The following R3HDM1 variants were observed in gnomAD, a reference collection of about 807,000 sequenced individuals.
R3HDM1 encodes R3H domain containing 1.
A neutral mutation model predicts 141.1 loss-of-function variants in R3HDM1; 46 were observed. The ratio of observed to expected loss-of-function variants is 0.33; its 90% CI spans 0.26 to 0.42. The LOEUF (loss-of-function observed/expected upper bound fraction) is 0.42. Among genes scored for constraint, R3HDM1 ranks in the 10% least tolerant of loss-of-function variants. The probability of loss-of-function intolerance (pLI) is 1.00; values close to 1 mark genes in which losing one functional copy is unlikely to be tolerated. For missense variants in R3HDM1, 1,184 were observed against 1,368.3 expected (o/e 0.87, Z 2.12); for synonymous variants, 435 against 472.9 (o/e 0.92, Z 1.04).
intron 1 of R3HDM1, among the ~76,000 whole-genome samples, chr2:135,564,165 C>G (rs1702299584): frequency 6.6e-6 from 1 of 152,142 alleles, no homozygotes; most frequent in Non-Finnish European, 1.5e-5. Context: ...AGACAAACAT[C>G]CAAACTATAT....
chr2:135,693,608 G>C (rs2072780924), intron 21 of R3HDM1, among the ~76,000 whole-genome samples: 2 of 152,272 alleles, frequency 1.3e-5, no homozygotes, highest in South Asian at 4.1e-4. Context: ...AAAATAACAA[G>C]TTCAGATGGT....
In R3HDM1 at chr2:135,721,966, A is replaced by G. The variant is rs534770495; in HGVS notation, c.2924A>G (p.Asn975Ser). 8.1e-6 allele frequency: 13 copies of G among 1,613,952 alleles called. No individual in the cohort carries two copies. The highest frequency in any genetic ancestry group is 2.7e-5 in the African/African-American group (2 of 75,064). The change falls in exon 25 of 27, where the codon AAT becomes AGT. Residue 975 changes from asparagine (N) to serine (S), a missense_variant. Physicochemically the swap from Asn to Ser is conservative, Grantham distance 46 (BLOSUM62 1). Coordinates refer to ENST00000683871, the MANE Select transcript of R3HDM1 (RefSeq NM_001378107.1). ...TTACTTGGCCAGCCACTGCAGTACAATCCTCCTGCTGTTCTGCACGGACAC... is the reference window on the plus strand; with the variant it reads ...TTACTTGGCCAGCCACTGCAGTACAGTCCTCCTGCTGTTCTGCACGGACAC... ...YPLLGQPLQY[N>S]PPAVLHGHIP...
intron 1 of R3HDM1, among the ~76,000 whole-genome samples, chr2:135,542,246 C>T: frequency 6.6e-6 from 1 of 152,076 alleles, no homozygotes. Context: ...TGTGTGTGTT[C>T]CTGTATAGTA....
At chr2:135,652,086 G>C in intron 18 of R3HDM1, 54 bp downstream of exon 18, 2 of 1,501,576 alleles carry the variant, frequency 1.3e-6, no homozygotes, top group Non-Finnish European at 1.8e-6. Context: ...CTTAAGATCA[G>C]TTTTAACTTC....
chr2:135,565,072 G>A (rs1278705211), intron 1 of R3HDM1, among the ~76,000 whole-genome samples: 1 of 151,994 alleles, frequency 6.6e-6, no homozygotes, highest in Non-Finnish European at 1.5e-5. Flanking sequence ...CAGTTCTAGT[G>A]TGTACAGTTT....
rs773794911 is a variant in R3HDM1, at chr2:135,638,628, C to A, written c.914C>A (p.Ser305Tyr). The change falls in exon 12 of 27, where the codon TCC becomes TAC. Residue 305 changes from serine to tyrosine, a missense_variant. Physicochemically the swap from Ser to Tyr is moderately radical, Grantham distance 144. Around this residue, in one of 5 missense-constraint regions of R3HDM1, gnomAD observed 240 missense variants for 312.3 expected, o/e 0.77. Transcript: ENST00000683871. ...TATTCTTTTTTCTAGTCCCTGTGTT[C>A]CCAAGAGAATTACATTATTGACAAA... Reference protein sequence around the residue: ...DRIFSQDSLCSQENYIIDKRL... With the variant: ...DRIFSQDSLCYQENYIIDKRL... 31 of 1,609,110 alleles carry A rather than the reference C, an allele frequency of 1.9e-5. No homozygotes were observed. Among genetic ancestry groups the A allele is most frequent in the Non-Finnish European group, 2.6e-5 (30 of 1,175,932 alleles).
intron 21 of R3HDM1, among the ~76,000 whole-genome samples, chr2:135,705,957 G>A (rs1272029724): frequency 5.9e-5 from 9 of 152,006 alleles, no homozygotes; most frequent in African/African-American, 1.7e-4. Flanking sequence ...GTGAAACCCC[G>A]TCTCTACTAA....
intron 14 of R3HDM1, among the ~76,000 whole-genome samples, chr2:135,640,157 C>T (rs2105243807): frequency 6.6e-6 from 1 of 151,822 alleles, no homozygotes; most frequent in South Asian, 2.1e-4. Context: ...TTGGGTGAGC[C>T]TAAACATAAG....
At position 135,535,974 on chromosome 2, in the gene R3HDM1, A is replaced by G. The variant is rs578005181; in HGVS notation, c.-250+4341A>G. ...TTACCCATTCTTAGTCTCCATACAC[A>G]CCTATTAACTTTAATTTCCTTTTCT... On this transcript the variant is annotated intron_variant, in intron 1 of 26. Coordinates refer to ENST00000683871, the MANE Select transcript of R3HDM1 (RefSeq NM_001378107.1). 2.6e-5 allele frequency among the ~76,000 whole-genome samples: 4 copies of G among 152,160 alleles called. No homozygotes were observed. In the South Asian group the frequency reaches 8.3e-4, roughly 32 times the overall value.
chr2:135,701,223 CAAAAAAAAAAA>C (rs748354211), intron 21 of R3HDM1, among the ~76,000 whole-genome samples: 1 of 82,432 alleles, frequency 1.2e-5, no homozygotes, highest in Non-Finnish European at 2.7e-5. Context: ...TCATCTCTAC[CAAAAAAAAAAA>C]AAAAAAAAAA....
chr2:135,724,374 A>T lies in R3HDM1; in HGVS notation c.*82A>T, dbSNP rs1575297409. On this transcript the variant is annotated 3_prime_UTR_variant, in exon 27 of 27. Transcript: ENST00000683871. ...TGGCTTGGTATTTGGAGCTTCTGTT[A>T]ACATTATAGAGACTCCTAGGATGTG... is the stretch of plus-strand genomic sequence containing the variant. The T allele has an allele frequency of 6.5e-6, 7 of 1,081,558 alleles. No homozygotes were observed. In the East Asian group the frequency reaches 1.6e-4, roughly 24 times the overall value. 67.0% of individuals were successfully genotyped at this position (1,081,558 alleles called of 1,614,324 possible). A position where few individuals can be genotyped will look rare whatever the true frequency, so the allele number is the denominator to read the frequency against.
intron 1 of R3HDM1, among the ~76,000 whole-genome samples, chr2:135,560,404 C>T (rs1701581022): frequency 6.6e-6 from 1 of 152,160 alleles, no homozygotes; most frequent in Non-Finnish European, 1.5e-5. Flanking sequence ...CAAACGGCCT[C>T]CCAGGTTCAA....
chr2:135,608,001 T>G, intron 3 of R3HDM1: 1 of 970,798 alleles, frequency 1.0e-6, no homozygotes, highest in Non-Finnish European at 1.2e-6. Flanking sequence ...TATTCATTGT[T>G]TATTGAAGTA....
At position 135,715,647 on chromosome 2, in the gene R3HDM1, C is replaced by G. The variant is rs747251102; in HGVS notation, c.2834C>G (p.Pro945Arg). The G allele has an allele frequency of 4.3e-6, 7 of 1,613,860 alleles. No homozygotes were observed. Among genetic ancestry groups the G allele is most frequent in the South Asian group, 1.1e-5 (1 of 91,012 alleles). The change falls in exon 24 of 27, where the codon CCA becomes CGA. Residue 945 changes from proline (P) to arginine (R), a missense_variant. By Grantham distance (103) the Pro-to-Arg change is moderately radical (BLOSUM62 -2). Transcript: ENST00000683871. ...TLKTVRPSGPPLSIMPQFSRP... is the reference protein window; with the variant it reads ...TLKTVRPSGPRLSIMPQFSRP... ...AAAACTGTACGTCCCTCTGGACCAC[C>G]ACTTTCCATCATGCCCCAATTTTCT...
chr2:135,589,709 A>G (rs1708790608), intron 1 of R3HDM1, among the ~76,000 whole-genome samples: 1 of 152,086 alleles, frequency 6.6e-6, no homozygotes, highest in Admixed American at 6.6e-5. Context: ...ATGTTTCCAC[A>G]GTTTTAGTTC....
chr2:135,675,885 G>A, intron 20 of R3HDM1, among the ~76,000 whole-genome samples: 1 of 152,168 alleles, frequency 6.6e-6, no homozygotes, highest in Non-Finnish European at 1.5e-5. Flanking sequence ...GAGGTTAGTG[G>A]TAGATATTTG....
At chr2:135,705,551 A>T (rs1438812102) in intron 21 of R3HDM1, among the ~76,000 whole-genome samples, 18 of 151,812 alleles carry the variant, frequency 1.2e-4, no homozygotes. Flanking sequence ...CAGGAGGATC[A>T]CTTGAGCCCA....
chr2:135,531,725 G>A (rs938549707), intron 1 of R3HDM1, 92 bp downstream of exon 1: 1 of 985,914 alleles, frequency 1.0e-6, no homozygotes, highest in African/African-American at 1.7e-5. Flanking sequence ...CGCTAACGGA[G>A]AAGGAGGCAG....
intron 21 of R3HDM1, among the ~76,000 whole-genome samples, chr2:135,704,743 G>A (rs2074677941): frequency 6.6e-6 from 1 of 151,950 alleles, no homozygotes; most frequent in Admixed American, 6.6e-5. Context: ...ACAGGCATGA[G>A]CCACCACACC....
Sources: gnomAD v4.1 joint callset for allele counts (sites outside exome capture counted in the v4.1 genomes callset) on GRCh38, gnomAD v4.1.1 for gene constraint, gnomAD v4.1.1 regional missense constraint, MANE v1.5 for transcripts, NCBI Gene and HGNC (gene_info 2026-07-23, HGNC 2026-07-21) for gene names.